The following UGGT2 variants were observed in gnomAD, a reference collection of about 807,000 sequenced individuals.
UGGT2 encodes UDP-glucose:glycoprotein glucosyltransferase 2.
Under a neutral mutation model 192.1 loss-of-function variants are expected in UGGT2, and 180 were observed. That is an observed-to-expected ratio of 0.94 (90% CI 0.83 to 1.06). The LOEUF (loss-of-function observed/expected upper bound fraction) is 1.06. Ranked by LOEUF, UGGT2 falls within the 50% of genes least tolerant of loss-of-function variation. The pLI is 0.00. For missense variants in UGGT2, 1,849 were observed against 1,795.7 expected, an observed-to-expected ratio of 1.03 and a Z score of -0.54; for synonymous variants, 580 against 591.0, an observed-to-expected ratio of 0.98 and a Z score of 0.27.
At chr13:95,818,478 C>T (rs548250031) in intron 38 of UGGT2, among the ~76,000 whole-genome samples, 7 of 152,058 alleles carry the variant, frequency 4.6e-5, no homozygotes, top group Admixed American at 4.6e-4. Context: ...AACAGAAAAC[C>T]TGCAAACTCA....
chr13:95,915,397 T>C (rs2140368906), intron 20 of UGGT2, among the ~76,000 whole-genome samples: 1 of 152,292 alleles, frequency 6.6e-6, no homozygotes, highest in East Asian at 1.9e-4. Flanking sequence ...TTATTGTCTG[T>C]CTCCCTATGC....
chr13:95,845,986 G>A (rs1266529623), intron 36 of UGGT2, among the ~76,000 whole-genome samples: 15 of 152,048 alleles, frequency 9.9e-5, no homozygotes, highest in Admixed American at 2.0e-4. Context: ...GATGATGGGC[G>A]GCCAGGCAGA....
intron 1 of UGGT2, among the ~76,000 whole-genome samples, chr13:96,044,524 GAAAC>G (rs1177572213): frequency 1.3e-5 from 2 of 151,908 alleles, no homozygotes; most frequent in African/African-American, 2.4e-5. Context: ...AAATGAAATT[GAAAC>G]AAACAAAAAA....
intron 7 of UGGT2, chr13:95,991,519 A>C: frequency 2.2e-6 from 1 of 448,256 alleles, no homozygotes. Context: ...TAAATATGGT[A>C]ATCTTATAGT....
chr13:95,974,674 T>C (rs971149286), intron 10 of UGGT2, among the ~76,000 whole-genome samples: 1 of 152,236 alleles, frequency 6.6e-6, no homozygotes, highest in African/African-American at 2.4e-5. Context: ...TATTTGAGTA[T>C]GTAATTTAAG....
chr13:95,845,559 T>C (rs1388673469), intron 36 of UGGT2, among the ~76,000 whole-genome samples: 1 of 151,728 alleles, frequency 6.6e-6, no homozygotes, highest in Non-Finnish European at 1.5e-5. Flanking sequence ...GAGTCTCCTA[T>C]GTCTACTTCT....
intron 20 of UGGT2, among the ~76,000 whole-genome samples, chr13:95,910,753 A>C (rs911544353): frequency 6.6e-6 from 1 of 152,212 alleles, no homozygotes; most frequent in Non-Finnish European, 1.5e-5. Context: ...AGACATCTAC[A>C]GAACTCTCCA....
At chr13:95,878,426 A>T (rs894913512) in intron 27 of UGGT2, among the ~76,000 whole-genome samples, 1 of 151,920 alleles carries the variant, frequency 6.6e-6, no homozygotes, top group Non-Finnish European at 1.5e-5. Context: ...GTCTTCATAA[A>T]TTTTTTTTGT....
At chr13:95,910,775 C>T (rs1488935363) in intron 20 of UGGT2, among the ~76,000 whole-genome samples, 1 of 152,182 alleles carries the variant, frequency 6.6e-6, no homozygotes, top group African/African-American at 2.4e-5. Flanking sequence ...CCCAAATCAA[C>T]AGAATATACA....
intron 37 of UGGT2, among the ~76,000 whole-genome samples, chr13:95,836,240 G>T (rs2139906995): frequency 6.6e-6 from 1 of 152,220 alleles, no homozygotes; most frequent in South Asian, 2.1e-4. Flanking sequence ...AGTAGAGATG[G>T]GGTTTCATCA....
chr13:95,931,223 A>G (rs1566717468), intron 17 of UGGT2, among the ~76,000 whole-genome samples: 2 of 152,110 alleles, frequency 1.3e-5, no homozygotes, highest in Non-Finnish European at 2.9e-5. Flanking sequence ...TGATTGGTGC[A>G]TTTACAAACC....
At chr13:96,041,087 T>A (rs1384628593) in intron 1 of UGGT2, among the ~76,000 whole-genome samples, 1 of 152,198 alleles carries the variant, frequency 6.6e-6, no homozygotes, top group South Asian at 2.1e-4. Flanking sequence ...AGGAATAAAT[T>A]AGAAAAGCCA....
At chr13:95,814,467 T>C (rs1442228623) in intron 38 of UGGT2, among the ~76,000 whole-genome samples, 1 of 152,236 alleles carries the variant, frequency 6.6e-6, no homozygotes, top group African/African-American at 2.4e-5. Context: ...GTAGCCCCTT[T>C]CTTTTGGCCA....
At chr13:95,974,592 G>A (rs948159355) in intron 10 of UGGT2, among the ~76,000 whole-genome samples, 2 of 152,168 alleles carry the variant, frequency 1.3e-5, no homozygotes, top group African/African-American at 4.8e-5. Flanking sequence ...GCCTATCAGA[G>A]ATAAGTAATT....
At position 96,053,383 on chromosome 13, in the gene UGGT2, C is replaced by T. The variant is rs568010350; in HGVS notation, c.-71G>A. The T allele has an allele frequency of 2.3e-4, 348 of 1,518,920 alleles. No homozygotes were observed. The African/African-American group carries it at 2.7e-3, about 12-fold the overall frequency. 94.1% of individuals were successfully genotyped at this position (1,518,920 alleles called of 1,614,324 possible). A position where few individuals can be genotyped will look rare whatever the true frequency, so the allele number is the denominator to read the frequency against. Reference sequence around the variant, plus strand: ...TCTGTGGCCGCCACGCTTCGGCCGGCTCTTCCCGCTGCGCGGCTGCCCACT... The same window carrying T: ...TCTGTGGCCGCCACGCTTCGGCCGGTTCTTCCCGCTGCGCGGCTGCCCACT... On this transcript the variant is annotated 5_prime_UTR_variant, in exon 1 of 39. Coordinates refer to ENST00000376747, the MANE Select transcript of UGGT2 (RefSeq NM_020121.4).
chr13:95,839,827 C>T (rs1211677711), intron 36 of UGGT2, among the ~76,000 whole-genome samples: 1 of 152,134 alleles, frequency 6.6e-6, no homozygotes, highest in East Asian at 1.9e-4. Flanking sequence ...TTGTAGCTAT[C>T]ATAGCGAGTA....
intron 38 of UGGT2, among the ~76,000 whole-genome samples, chr13:95,804,503 G>A (rs1258615037): frequency 2.0e-5 from 3 of 152,116 alleles, no homozygotes; most frequent in Non-Finnish European, 4.4e-5. Context: ...CGAAAATATT[G>A]TGAAAAAGAA....
At chr13:95,981,651 G>A (rs1301633811) in intron 10 of UGGT2, among the ~76,000 whole-genome samples, 1 of 152,108 alleles carries the variant, frequency 6.6e-6, no homozygotes, top group African/African-American at 2.4e-5. Context: ...TTCTTTTTTC[G>A]GTGAACATTT....
intron 38 of UGGT2, among the ~76,000 whole-genome samples, chr13:95,810,113 T>C (rs1884507468): frequency 6.6e-6 from 1 of 152,210 alleles, no homozygotes; most frequent in Non-Finnish European, 1.5e-5. Flanking sequence ...CAATCTGTTG[T>C]ACATATCAAG....
Sources: gnomAD v4.1 joint callset for allele counts (sites outside exome capture counted in the v4.1 genomes callset) on GRCh38, gnomAD v4.1.1 for gene constraint, MANE v1.5 for transcripts, NCBI Gene and HGNC (gene_info 2026-07-23, HGNC 2026-07-21) for gene names.